Variants in HSPG2 observed in about 807,000 individuals in gnomAD.
HSPG2 encodes basement membrane-specific heparan sulfate proteoglycan core protein.
A neutral mutation model predicts 526.6 loss-of-function variants in HSPG2; 278 were observed. The ratio of observed to expected loss-of-function variants is 0.53; its 90% confidence interval spans 0.48 to 0.58. HSPG2 has a LOEUF of 0.58. Ranked by LOEUF, HSPG2 falls within the 20% of genes least tolerant of loss-of-function variation. The pLI, the probability that HSPG2 is intolerant of heterozygous loss-of-function variation, is 0.00. For missense variants in HSPG2, 5,354 were observed against 6,099.5 expected (o/e 0.88, Z 4.07); for synonymous variants, 2,465 against 2,555.4 (o/e 0.96, Z 1.07).
intron 1 of HSPG2, among the ~76,000 whole-genome samples, chr1:21,934,598 C>T (rs1644433878): frequency 2.6e-5 from 1 of 37,856 alleles, no homozygotes; most frequent in African/African-American, 5.1e-5. Flanking sequence ...GTGTGATGCC[C>T]TCTTTTTTTT....
rs775738058 is a variant in HSPG2, at chr1:21,842,941, G to A, written c.8759-20C>T. 1.9e-6 allele frequency: 3 copies of A among 1,613,776 alleles called. No individual in the cohort carries two copies. In the African/African-American group the frequency reaches 4.0e-5, roughly 22 times the overall value. ...CTGGAGCTGTGGGCACAGGGGGTGGGTGAGAGAGGCCAGGCTCCGGGGATC... is the reference window on the plus strand; with the variant it reads ...CTGGAGCTGTGGGCACAGGGGGTGGATGAGAGAGGCCAGGCTCCGGGGATC... On this transcript the variant is annotated intron_variant, in intron 66 of 96. Transcript: ENST00000374695.
intron 33 of HSPG2, among the ~76,000 whole-genome samples, chr1:21,870,029 G>A (rs1640526901): frequency 6.6e-6 from 1 of 152,240 alleles, no homozygotes; most frequent in Non-Finnish European, 1.5e-5. Context: ...GCCATTCATG[G>A]TTCTGGAATG....
intron 1 of HSPG2, among the ~76,000 whole-genome samples, chr1:21,905,700 C>A (rs1406192804): frequency 6.6e-6 from 1 of 152,142 alleles, no homozygotes; most frequent in Non-Finnish European, 1.5e-5. Context: ...CAAGACTGTG[C>A]CATTGCACTC....
Position 21,839,772 on chromosome 1 carries a change from C to T in HSPG2, c.9709+50G>A. On this transcript the variant is annotated intron_variant, in intron 72 of 96. Coordinates refer to ENST00000374695, the MANE Select transcript of HSPG2 (RefSeq NM_005529.7). This position sits in a 1 kb window ranked among gnomAD's most constrained non-coding sequence, Gnocchi z 4.5. ...GATCACATGTGTCTACATTTCAGAC[C>T]CCAGGGCATCCCTGCCCTGCCAGCC... 1 of 1,584,508 alleles carries T rather than the reference C, an allele frequency of 6.3e-7. No homozygotes were observed. The highest frequency in any genetic ancestry group is 8.6e-7 in the Non-Finnish European group (1 of 1,158,282).
At chr1:21,840,970 A>T (rs1572187133) in intron 71 of HSPG2, 131 bp downstream of exon 71, 1 of 785,722 alleles carries the variant, frequency 1.3e-6, no homozygotes, top group Non-Finnish European at 2.1e-6. Flanking sequence ...CACCCATCCC[A>T]TCCCATTCCT....
intron 33 of HSPG2, chr1:21,869,617 A>G: frequency 1.0e-6 from 1 of 986,024 alleles, no homozygotes; most frequent in Non-Finnish European, 1.2e-6. Context: ...AAAGCTGGAC[A>G]GGAGCTGCCA....
chr1:21,844,346 C>G (rs775517979), intron 64 of HSPG2, 47 bp from the exon 65 acceptor site: 44 of 1,575,698 alleles, frequency 2.8e-5, no homozygotes, highest in Non-Finnish European at 3.4e-5. Context: ...CACCCTGATG[C>G]CCTCAGCCCT....
At chr1:21,837,242 G>A (rs937398479) in intron 74 of HSPG2, among the ~76,000 whole-genome samples, 18 of 152,178 alleles carry the variant, frequency 1.2e-4, no homozygotes, top group Non-Finnish European at 5.9e-5. Context: ...ACAGCTCCTC[G>A]CTTCTGGGTG....
At chr1:21,919,111 T>C (rs902997968) in intron 1 of HSPG2, among the ~76,000 whole-genome samples, 1 of 152,144 alleles carries the variant, frequency 6.6e-6, no homozygotes, top group Non-Finnish European at 1.5e-5. Context: ...TGCAGGTGAA[T>C]GGAAACAAGA....
chr1:21,908,420 G>C, intron 1 of HSPG2: 2 of 882,926 alleles, frequency 2.3e-6, no homozygotes, highest in South Asian at 2.7e-5. Context: ...TTCCTGAAAC[G>C]CGTGAAGGAG....
intron 75 of HSPG2, 31 bp downstream of exon 75, chr1:21,836,771 C>A: frequency 6.5e-7 from 1 of 1,529,752 alleles, no homozygotes; most frequent in Non-Finnish European, 8.8e-7. Context: ...CTATGCTGCC[C>A]AAGTCCAGTC....
chr1:21,907,421 C>T (rs1348560770), intron 1 of HSPG2, among the ~76,000 whole-genome samples: 1 of 152,172 alleles, frequency 6.6e-6, no homozygotes, highest in Non-Finnish European at 1.5e-5. Context: ...AGCCCTAGGT[C>T]ATGGCTCTCC....
In HSPG2 at chr1:21,872,701, G is replaced by C; in HGVS notation, c.3948C>G (p.Ala1316=). ...HCRPHHFHLS[A]SNPDGCLPCF... ...AGGGCAGGCAGCCGTCTGGGTTGCT[G>C]GCACTCAGGTGGAAGTGGTGGGGCC... Residue 1316 remains alanine (A), a synonymous_variant, in exon 32 of 97, where the codon GCC becomes GCG. Coordinates refer to ENST00000374695, the MANE Select transcript of HSPG2 (RefSeq NM_005529.7). This position sits in a 1 kb window ranked among gnomAD's most constrained non-coding sequence, Gnocchi z 5.5. 6.2e-7 allele frequency: 1 copy of C among 1,609,150 alleles called. No individual in the cohort carries two copies. The highest frequency in any genetic ancestry group is 8.5e-7 in the Non-Finnish European group (1 of 1,178,574).
chr1:21,890,726 C>G lies in HSPG2; in HGVS notation c.245-32G>C. The G allele has an allele frequency of 6.5e-7, 1 of 1,533,988 alleles. No individual in the cohort carries two copies. Among genetic ancestry groups the G allele is most frequent in the Non-Finnish European group, 9.0e-7 (1 of 1,110,716 alleles). The stretch of plus-strand genomic sequence containing the variant: ...AATCGAAGGAGGATCATTTTGAGAG[C>G]CCCAGCCTGGCATCTAGTGGCCTTA... On this transcript the variant is annotated intron_variant, in intron 3 of 96. Transcript: ENST00000374695. The surrounding 1 kb of genome is among the most constrained non-coding windows in gnomAD (Gnocchi z 4.1).
chr1:21,928,701 C>G (rs1213620935), intron 1 of HSPG2, among the ~76,000 whole-genome samples: 1 of 151,938 alleles, frequency 6.6e-6, no homozygotes, highest in African/African-American at 2.4e-5. Flanking sequence ...CTCAGCCTCC[C>G]AAAGTGCTGG....
intron 14 of HSPG2, 127 bp from the exon 15 acceptor site, chr1:21,880,962 A>G: frequency 9.9e-7 from 1 of 1,009,980 alleles, no homozygotes; most frequent in South Asian, 1.4e-5. Flanking sequence ...TGTGCCAGGC[A>G]CTGAGCTAGG....
At chr1:21,876,817 G>A (rs1164894268) in intron 21 of HSPG2, among the ~76,000 whole-genome samples, 165 bp from the exon 22 acceptor site, 1 of 152,176 alleles carries the variant, frequency 6.6e-6, no homozygotes, top group Non-Finnish European at 1.5e-5. Context: ...CCAGCACTTT[G>A]GGAGGCCAAG....
chr1:21,876,392 G>A lies in HSPG2; in HGVS notation c.2840C>T (p.Ser947Phe). 5 of 1,610,926 alleles carry A rather than the reference G, an allele frequency of 3.1e-6. No individual in the cohort carries two copies. The highest frequency in any genetic ancestry group is 4.2e-6 in the Non-Finnish European group (5 of 1,178,598). ...SWSRAQLHGA[S>F]EEPGHFSLTN... Reference sequence around the variant, plus strand: ...CAGGCTGAAGTGACCAGGCTCCTCAGAGGCCCCATGCAACTGGGAGGAGGA... The same window carrying A: ...CAGGCTGAAGTGACCAGGCTCCTCAAAGGCCCCATGCAACTGGGAGGAGGA... Residue 947 changes from serine to phenylalanine, a missense_variant, in exon 23 of 97, where the codon TCT becomes TTT. By Grantham distance (155) the Ser-to-Phe change is radical (BLOSUM62 -2). Coordinates refer to ENST00000374695, the MANE Select transcript of HSPG2 (RefSeq NM_005529.7).
At chr1:21,841,821 A>T in intron 69 of HSPG2, 148 bp from the exon 70 acceptor site, 1 of 1,308,196 alleles carries the variant, frequency 7.6e-7, no homozygotes, top group Admixed American at 1.9e-5. Context: ...GCAGAAAGTA[A>T]CAAAGGCCTT....
Sources: allele counts gnomAD v4.1 joint callset (sites outside exome capture counted in the v4.1 genomes callset), GRCh38; gene constraint gnomAD v4.1.1; non-coding constraint Gnocchi (gnomAD v3.1); transcripts MANE v1.5; gene names NCBI Gene and HGNC (gene_info 2026-07-23, HGNC 2026-07-21).